Variants in MRC1 observed in about 807,000 individuals in gnomAD.
MRC1 encodes the protein macrophage mannose receptor 1.
A neutral mutation model predicts 102.9 loss-of-function variants in MRC1; 62 were observed. The observed-to-expected ratio is 0.60, with a 90% CI of 0.49 to 0.74. The LOEUF is 0.74. Ranked by LOEUF, MRC1 falls within the 30% of genes least tolerant of loss-of-function variation. The pLI, the probability that MRC1 is intolerant of heterozygous loss-of-function variation, is 0.00. For missense variants in MRC1, 1,237 were observed against 862.8 expected, an observed-to-expected ratio of 1.43 and a Z score of -5.43; for synonymous variants, 457 against 298.4, an observed-to-expected ratio of 1.53 and a Z score of -5.48.
At chr10:17,865,970 G>A (rs957147725) in intron 11 of MRC1, among the ~76,000 whole-genome samples, 2,636 of 152,236 alleles carry the variant, frequency 0.017, 63 homozygotes, top group African/African-American at 0.059. Context: ...AAATAACCTT[G>A]ACTGTAAGAC....
intron 4 of MRC1, among the ~76,000 whole-genome samples, chr10:17,835,666 T>G (rs1473807344): frequency 6.6e-6 from 1 of 152,186 alleles, no homozygotes; most frequent in Non-Finnish European, 1.5e-5. Context: ...CTGACTGACA[T>G]GTTAACATGC....
At chr10:17,812,001 C>G (rs892123665) in intron 1 of MRC1, among the ~76,000 whole-genome samples, 2 of 152,186 alleles carry the variant, frequency 1.3e-5, no homozygotes, top group African/African-American at 4.8e-5. Context: ...GCCCCAACAC[C>G]TCTCCCCTGG....
chr10:17,820,972 G>C (rs1156548218), intron 1 of MRC1, among the ~76,000 whole-genome samples: 3 of 152,084 alleles, frequency 2.0e-5, no homozygotes, highest in Non-Finnish European at 4.4e-5. Flanking sequence ...TCCCACTAGG[G>C]CACGAGCAGT....
intron 9 of MRC1, among the ~76,000 whole-genome samples, chr10:17,858,752 C>T (rs1321750980): frequency 6.6e-6 from 1 of 152,220 alleles, no homozygotes; most frequent in Non-Finnish European, 1.5e-5. Flanking sequence ...TCCCAAAGTG[C>T]TGGGATTACA....
rs978352169 is a variant in MRC1 at position 17,837,943 on chromosome 10, C to T, written c.803-2750C>T. ...AAAAATGTAGAACCTGGTTTGATGA[C>T]TCTAATTAAATTGTCTGCCAATTAC... On this transcript the variant is annotated intron_variant, in intron 4 of 29. Transcript: ENST00000569591. Among the ~76,000 whole-genome samples, 1,180 of 151,950 alleles carry T rather than the reference C, an allele frequency of 7.8e-3. 16 individuals are homozygous for T. The highest frequency in any genetic ancestry group is 0.027 in the African/African-American group (1,109 of 41,400).
intron 27 of MRC1, 48 bp downstream of exon 27, chr10:17,907,047 G>C (rs1833904635): frequency 1.3e-6 from 1 of 775,652 alleles, no homozygotes; most frequent in Non-Finnish European, 2.4e-6. Flanking sequence ...GTAAAATGTT[G>C]TATGTAAAAC....
intron 24 of MRC1, among the ~76,000 whole-genome samples, chr10:17,899,869 CA>C: frequency 6.6e-6 from 1 of 152,002 alleles, no homozygotes; most frequent in Non-Finnish European, 1.5e-5. Context: ...GAGGCTGAGG[CA>C]GGCAGATCAC....
At chr10:17,857,297 T>C (rs1270388025) in intron 9 of MRC1, among the ~76,000 whole-genome samples, 12 of 152,336 alleles carry the variant, frequency 7.9e-5, no homozygotes, top group Middle Eastern at 6.8e-3. Flanking sequence ...AGAACCCAGG[T>C]CTCCTGTCCC....
chr10:17,832,518 G>A (rs937903715), intron 3 of MRC1, among the ~76,000 whole-genome samples: 3 of 149,448 alleles, frequency 2.0e-5, no homozygotes, highest in African/African-American at 7.6e-5. Flanking sequence ...TTGCACCACT[G>A]CACTCCAGCC....
intron 6 of MRC1, among the ~76,000 whole-genome samples, chr10:17,847,601 G>T (rs1838844722): frequency 6.6e-6 from 1 of 152,144 alleles, no homozygotes; most frequent in Non-Finnish European, 1.5e-5. Context: ...GTGAATTATT[G>T]TAACACTAAC....
At chr10:17,812,567 C>CTTT (rs879229292) in intron 1 of MRC1, among the ~76,000 whole-genome samples, 17 of 79,892 alleles carry the variant, frequency 2.1e-4, no homozygotes, top group East Asian at 3.7e-4. Context: ...CAACAGTAGG[C>CTTT]TTTTTTTTTT....
intron 5 of MRC1, among the ~76,000 whole-genome samples, chr10:17,842,449 T>C (rs2130628647): frequency 6.6e-6 from 1 of 152,362 alleles, no homozygotes; most frequent in African/African-American, 2.4e-5. Flanking sequence ...GTTACAGTGC[T>C]GTCACTCAAG....
intron 3 of MRC1, among the ~76,000 whole-genome samples, chr10:17,832,163 C>T (rs1275216535): frequency 1.3e-5 from 2 of 151,694 alleles, no homozygotes; most frequent in East Asian, 1.9e-4. Context: ...CTTATGCTTC[C>T]AGAAAGACCA....
rs781870288 is a variant in MRC1 at position 17,880,683 on chromosome 10, T to G, written c.2865+13T>G. 1 of 780,780 alleles carries G rather than the reference T, an allele frequency of 1.3e-6. No individual in the cohort carries two copies. The highest frequency in any genetic ancestry group is 2.4e-6 in the Non-Finnish European group (1 of 417,944). The allele number at this position is 780,780 out of a possible 1,614,324, so 48.4% of individuals were successfully genotyped here. A position where few individuals can be genotyped will look rare whatever the true frequency, so the allele number is the denominator to read the frequency against. ...CTACAGCAACAAGGTACTAGGAAAA[T>G]TAGTTGCAATCTTGGCACTGATCAG... On this transcript the variant is annotated intron_variant, in intron 20 of 29. Transcript: ENST00000569591.
At chr10:17,819,398 A>G (rs1838361586) in intron 1 of MRC1, among the ~76,000 whole-genome samples, 1 of 151,424 alleles carries the variant, frequency 6.6e-6, no homozygotes, top group Non-Finnish European at 1.5e-5. Flanking sequence ...GGATGGTGTA[A>G]ATGGAGTTGG....
At chr10:17,902,567 C>T (rs1334421155) in intron 26 of MRC1, among the ~76,000 whole-genome samples, 1 of 152,112 alleles carries the variant, frequency 6.6e-6, no homozygotes, top group African/African-American at 2.4e-5. Context: ...GATTTTTCCA[C>T]CTGAAGTGAA....
At chr10:17,848,689 A>G (rs1838866320) in intron 6 of MRC1, among the ~76,000 whole-genome samples, 1 of 152,126 alleles carries the variant, frequency 6.6e-6, no homozygotes. Flanking sequence ...TTTCACCTAT[A>G]TGGGTACTCC....
At position 17,894,243 on chromosome 10, in the gene MRC1, A is replaced by G; in HGVS notation, c.3181A>G (p.Asn1061Asp). 1.1e-6 allele frequency: 1 copy of G among 872,664 alleles called. No homozygotes were observed. The highest frequency in any genetic ancestry group is 1.3e-5 in the South Asian group (1 of 76,530). The allele number at this position is 872,664 out of a possible 1,614,324, so 54.1% of individuals were successfully genotyped here. A position where few individuals can be genotyped will look rare whatever the true frequency, so the allele number is the denominator to read the frequency against. Residue 1061 changes from asparagine to aspartate, a missense_variant, in exon 23 of 30, where the codon AAT (asparagine) becomes GAT (aspartate). By Grantham distance (23) the Asn-to-Asp change is conservative. Transcript: ENST00000569591. ...TGTTGTTATTATTGGAGGTGCATCA[A>G]ATGAAGCAGGAAAATGGATGGATGA... ...DCVVIIGGAS[N>D]EAGKWMDDTC...
chr10:17,849,790 A>G (rs1838886434), intron 7 of MRC1, 26 bp downstream of exon 7: 1 of 768,958 alleles, frequency 1.3e-6, no homozygotes. Context: ...GTGATAATAT[A>G]CTTGGCTTTA....
Sources: allele counts gnomAD v4.1 joint callset (sites outside exome capture counted in the v4.1 genomes callset), GRCh38; gene constraint gnomAD v4.1.1; transcripts MANE v1.5; gene names NCBI Gene and HGNC (gene_info 2026-07-23, HGNC 2026-07-21).